The following TAB2 variants were observed in gnomAD, a reference collection of about 807,000 sequenced individuals.
TAB2 encodes the protein TGF-beta-activated kinase 1 and MAP3K7-binding protein 2.
Under a neutral mutation model 65.0 loss-of-function variants are expected in TAB2, and 3 were observed. The observed-to-expected ratio is 0.05, with a 90% CI of 0.02 to 0.12. The LOEUF (loss-of-function observed/expected upper bound fraction) is 0.12, where lower values mean the gene tolerates loss of function less well. TAB2 is among the 10% of genes least tolerant of loss of function. The pLI is 1.00. For missense variants in TAB2, 623 were observed against 840.3 expected, an observed-to-expected ratio of 0.74 and a Z score of 3.20; for synonymous variants, 298 against 285.1, an observed-to-expected ratio of 1.05 and a Z score of -0.46.
chr6:149,329,870 T>G (rs1422427625), intron 1 of TAB2, among the ~76,000 whole-genome samples: 1 of 152,188 alleles, frequency 6.6e-6, no homozygotes, highest in African/African-American at 2.4e-5. Flanking sequence ...CATTTGTATG[T>G]GTGTGGTTCT....
intron 1 of TAB2, among the ~76,000 whole-genome samples, chr6:149,299,307 C>T (rs1389679852): frequency 1.3e-5 from 2 of 152,210 alleles, no homozygotes; most frequent in Non-Finnish European, 2.9e-5. Flanking sequence ...TGCAATGGCT[C>T]ACGCCCGTAA....
At chr6:149,250,699 G>A (rs992288704) in intron 1 of TAB2, among the ~76,000 whole-genome samples, 5 of 152,148 alleles carry the variant, frequency 3.3e-5, no homozygotes, top group Non-Finnish European at 7.4e-5. Flanking sequence ...GATTCCAAAG[G>A]GGAAGTTTAG....
At chr6:149,376,885 T>C (rs935642250) in intron 2 of TAB2, among the ~76,000 whole-genome samples, 2 of 133,484 alleles carry the variant, frequency 1.5e-5, no homozygotes, top group Admixed American at 7.3e-5. Flanking sequence ...CAATCTGAGG[T>C]TCCCCCCCCC....
At chr6:149,289,408 G>A (rs199692647) in intron 1 of TAB2, among the ~76,000 whole-genome samples, 1 of 151,132 alleles carries the variant, frequency 6.6e-6, no homozygotes, top group East Asian at 1.9e-4. Flanking sequence ...AAAAAAAAAG[G>A]CCAAAGTCCT....
intron 3 of TAB2, chr6:149,380,203 T>C (rs1465903523): frequency 5.2e-6 from 1 of 190,680 alleles, no homozygotes; most frequent in African/African-American, 2.4e-5. Context: ...ACCATACCAC[T>C]CTGCCCCAGC....
intron 1 of TAB2, among the ~76,000 whole-genome samples, chr6:149,255,074 T>C (rs1483210119): frequency 1.3e-5 from 2 of 152,230 alleles, no homozygotes; most frequent in Admixed American, 6.5e-5. Flanking sequence ...GGACTAATTG[T>C]TGATATCCCT....
chr6:149,337,229 C>G (rs767521554), intron 1 of TAB2, among the ~76,000 whole-genome samples: 4 of 141,760 alleles, frequency 2.8e-5, no homozygotes, highest in African/African-American at 1.1e-4. Context: ...ATAACTGTTT[C>G]GGTATAATTG....
intron 1 of TAB2, among the ~76,000 whole-genome samples, chr6:149,308,806 G>C (rs1562408176): frequency 6.6e-6 from 1 of 152,132 alleles, no homozygotes; most frequent in African/African-American, 2.4e-5. Context: ...GATTACAGGG[G>C]TGAGCCACCA....
At chr6:149,270,744 T>C (rs1011146515) in intron 1 of TAB2, among the ~76,000 whole-genome samples, 7 of 152,336 alleles carry the variant, frequency 4.6e-5, no homozygotes, top group African/African-American at 1.2e-4. Context: ...TGATGTATTA[T>C]CCAGAGCTTG....
chr6:149,315,948 T>C (rs780423118), upstream of TAB2, among the ~76,000 whole-genome samples: 1 of 152,210 alleles, frequency 6.6e-6, no homozygotes, highest in African/African-American at 2.4e-5. Context: ...TTTTAAAAAT[T>C]TGCATAAAAT....
intron 1 of TAB2, among the ~76,000 whole-genome samples, chr6:149,265,870 TC>T (rs1778254337): frequency 6.6e-6 from 1 of 152,126 alleles, no homozygotes; most frequent in Non-Finnish European, 1.5e-5. Flanking sequence ...AATTCTCTTC[TC>T]CAGCCAACTG....
chr6:149,250,385 A>G (rs373141348), intron 1 of TAB2, among the ~76,000 whole-genome samples: 11 of 152,048 alleles, frequency 7.2e-5, no homozygotes, highest in Admixed American at 3.3e-4. Context: ...GGCTCACTGC[A>G]ACCTCTGCCT....
chr6:149,373,428 C>G (rs1781294399), intron 2 of TAB2, among the ~76,000 whole-genome samples: 1 of 152,182 alleles, frequency 6.6e-6, no homozygotes, highest in Non-Finnish European at 1.5e-5. Flanking sequence ...CACCCATTGT[C>G]CTTATCCATA....
intron 1 of TAB2, among the ~76,000 whole-genome samples, chr6:149,300,439 A>T (rs1324711112): frequency 1.3e-5 from 2 of 152,218 alleles, no homozygotes; most frequent in Admixed American, 1.3e-4. Flanking sequence ...CACAGATAAA[A>T]TAAGGGAGTT....
chr6:149,293,518 G>C (rs1342982295), intron 1 of TAB2, among the ~76,000 whole-genome samples: 15 of 152,162 alleles, frequency 9.9e-5, no homozygotes. Flanking sequence ...CTTGTTGTTT[G>C]AATCTTTGCA....
At chr6:149,368,469 T>C (rs181069883) in intron 1 of TAB2, among the ~76,000 whole-genome samples, 161 of 152,058 alleles carry the variant, frequency 1.1e-3, no homozygotes, top group Non-Finnish European at 2.0e-3. Context: ...TAGCCCAAAA[T>C]TGGGGGAAGA....
intron 1 of TAB2, among the ~76,000 whole-genome samples, chr6:149,229,569 T>C (rs1180676315): frequency 6.6e-6 from 1 of 152,124 alleles, no homozygotes; most frequent in Non-Finnish European, 1.5e-5. Context: ...GAAAGAAGCA[T>C]GGCTTCTTTC....
At chr6:149,283,912 A>C (rs1734098209) in intron 1 of TAB2, among the ~76,000 whole-genome samples, 4 of 152,198 alleles carry the variant, frequency 2.6e-5, no homozygotes, top group African/African-American at 9.7e-5. Context: ...TGAATAGTTC[A>C]AGATTTCAGG....
intron 1 of TAB2, among the ~76,000 whole-genome samples, chr6:149,334,419 C>A (rs1279297522): frequency 2.0e-5 from 3 of 152,144 alleles, no homozygotes; most frequent in Admixed American, 2.0e-4. Context: ...AGGCATAAGG[C>A]CTGTAATACT....
Sources: gnomAD v4.1 joint callset for allele counts (sites outside exome capture counted in the v4.1 genomes callset) on GRCh38, gnomAD v4.1.1 for gene constraint, MANE v1.5 for transcripts, NCBI Gene and HGNC (gene_info 2026-07-23, HGNC 2026-07-21) for gene names.